STX8: variants seen among roughly 807,000 people sequenced by gnomAD.
The protein encoded by STX8 is syntaxin 8, also known as syntaxin-8.
In STX8, 23 loss-of-function variants were observed where a neutral mutation model predicts 37.5. The ratio of observed to expected loss-of-function variants is 0.61; its 90% CI spans 0.44 to 0.87. The LOEUF is 0.87. STX8 is among the 40% of genes least tolerant of loss of function. The pLI, the probability that STX8 is intolerant of heterozygous loss-of-function variation, is 0.00. For synonymous variants in STX8, 115 were observed against 99.1 expected (o/e 1.16, Z -0.95); for missense variants, 313 against 284.7 (o/e 1.10, Z -0.71).
intron 6 of STX8, among the ~76,000 whole-genome samples, chr17:9,415,314 T>G (rs528917502): frequency 6.6e-6 from 1 of 152,120 alleles, no homozygotes; most frequent in Non-Finnish European, 1.5e-5. Context: ...GATCCTTCAC[T>G]TGATGTTGAC....
chr17:9,547,644 AAAGAAAAG>A (rs1906594821), intron 3 of STX8, among the ~76,000 whole-genome samples: 2 of 149,012 alleles, frequency 1.3e-5, no homozygotes, highest in East Asian at 2.0e-4. Flanking sequence ...AAAAAAGAAA[AAAGAAAAG>A]AAAAGAAAAG....
chr17:9,561,664 C>CAAAAAAA (rs11353116), intron 2 of STX8, among the ~76,000 whole-genome samples: 17 of 66,668 alleles, frequency 2.5e-4, no homozygotes, highest in African/African-American at 3.2e-4. Flanking sequence ...TCCATCTGGC[C>CAAAAAAA]AAAAAAAAAA....
chr17:9,465,672 A>C (rs1040685154), intron 6 of STX8, among the ~76,000 whole-genome samples: 36 of 152,166 alleles, frequency 2.4e-4, no homozygotes, highest in Non-Finnish European at 4.4e-4. Context: ...GAGTATGAAA[A>C]ACTGAACAGC....
At position 9,358,271 on chromosome 17, in the gene STX8, A is replaced by C. The variant is rs142068060; in HGVS notation, c.643+20281T>G. 6.0e-3 allele frequency among the ~76,000 whole-genome samples: 915 copies of C among 152,286 alleles called. 26 individuals carry two copies. The highest frequency in any genetic ancestry group is 0.05 in the Admixed American group (764 of 15,280). ...CTACAGGGGACGAACTCCAGGGCTC[A>C]AGTGATCCTCCTGATAGCTTAGCAC... On this transcript the variant is annotated intron_variant, in intron 7 of 7. Coordinates refer to ENST00000306357, the MANE Select transcript of STX8 (RefSeq NM_004853.3).
chr17:9,331,783 C>T (rs948766446), intron 7 of STX8, among the ~76,000 whole-genome samples: 1 of 152,148 alleles, frequency 6.6e-6, no homozygotes, highest in Non-Finnish European at 1.5e-5. Context: ...TCTCCCTCCC[C>T]CCTCTCTGCC....
At chr17:9,416,548 T>C (rs1913204199) in intron 6 of STX8, among the ~76,000 whole-genome samples, 1 of 152,098 alleles carries the variant, frequency 6.6e-6, no homozygotes, top group African/African-American at 2.4e-5. Context: ...TTTGTATTTT[T>C]AGTAGAGACG....
At chr17:9,389,271 C>T (rs1433178350) in intron 6 of STX8, among the ~76,000 whole-genome samples, 1 of 152,184 alleles carries the variant, frequency 6.6e-6, no homozygotes, top group African/African-American at 2.4e-5. Flanking sequence ...GGGAATTTCC[C>T]TAACCACAGT....
intron 6 of STX8, among the ~76,000 whole-genome samples, chr17:9,471,151 CTTTT>C (rs34907512): frequency 2.9e-4 from 15 of 51,270 alleles, no homozygotes; most frequent in South Asian, 9.7e-4. Context: ...CCGCACCCTG[CTTTT>C]TTTTTTTTTT....
chr17:9,494,405 G>T (rs559472360), intron 5 of STX8, among the ~76,000 whole-genome samples: 1 of 151,618 alleles, frequency 6.6e-6, no homozygotes, highest in South Asian at 2.1e-4. Context: ...GAAGCGGGCA[G>T]ATCACTTAAG....
chr17:9,454,410 G>A (rs1156963850), intron 6 of STX8, among the ~76,000 whole-genome samples: 1 of 152,190 alleles, frequency 6.6e-6, no homozygotes, highest in African/African-American at 2.4e-5. Context: ...CGGGCGCGGT[G>A]GCTCACGCCT....
intron 6 of STX8, among the ~76,000 whole-genome samples, chr17:9,410,375 A>G (rs1237663147): frequency 6.6e-6 from 1 of 152,236 alleles, no homozygotes; most frequent in Non-Finnish European, 1.5e-5. Flanking sequence ...CTTCCTTAAC[A>G]TTCATTATCT....
chr17:9,337,988 C>T (rs772020118), intron 7 of STX8, among the ~76,000 whole-genome samples: 2 of 150,284 alleles, frequency 1.3e-5, no homozygotes, highest in African/African-American at 2.5e-5. Context: ...TGCTAGGCTA[C>T]GGAAACCAGT....
intron 7 of STX8, among the ~76,000 whole-genome samples, chr17:9,293,159 C>T (rs1282859477): frequency 1.3e-5 from 2 of 152,168 alleles, no homozygotes; most frequent in Non-Finnish European, 2.9e-5. Flanking sequence ...ATAGTGAGAG[C>T]ATTTACAAAG....
intron 7 of STX8, among the ~76,000 whole-genome samples, chr17:9,260,038 T>C (rs1208709151): frequency 1.3e-5 from 2 of 151,102 alleles, no homozygotes; most frequent in African/African-American, 2.4e-5. Flanking sequence ...GGCAACATGG[T>C]GGAAACCTGT....
chr17:9,484,834 G>C (rs1444082406), intron 6 of STX8, among the ~76,000 whole-genome samples: 2 of 151,910 alleles, frequency 1.3e-5, no homozygotes, highest in Middle Eastern at 3.2e-3. Flanking sequence ...CTCAAAAAAA[G>C]AGAAAGTGTC....
At chr17:9,252,679 G>A (rs1345899095) in intron 7 of STX8, among the ~76,000 whole-genome samples, 1 of 151,192 alleles carries the variant, frequency 6.6e-6, no homozygotes, top group Non-Finnish European at 1.5e-5. Context: ...ATCTACCTGT[G>A]ACTGTGGTTG....
At chr17:9,344,377 C>T (rs1487723775) in intron 7 of STX8, among the ~76,000 whole-genome samples, 3 of 152,036 alleles carry the variant, frequency 2.0e-5, no homozygotes, top group Non-Finnish European at 2.9e-5. Flanking sequence ...TCGCCTGCCT[C>T]AGCCTCCCGA....
intron 2 of STX8, among the ~76,000 whole-genome samples, chr17:9,564,080 G>A (rs1357555239): frequency 6.6e-6 from 1 of 151,972 alleles, no homozygotes; most frequent in African/African-American, 2.4e-5. Flanking sequence ...AGGTATTCAA[G>A]GAACATACCT....
chr17:9,513,620 C>A (rs1394393388), intron 4 of STX8, among the ~76,000 whole-genome samples: 3 of 152,106 alleles, frequency 2.0e-5, no homozygotes, highest in African/African-American at 7.2e-5. Context: ...TGGGGGTTCC[C>A]CAAAAAACTA....
Sources: gnomAD v4.1 joint callset for allele counts (sites outside exome capture counted in the v4.1 genomes callset) on GRCh38, gnomAD v4.1.1 for gene constraint, MANE v1.5 for transcripts, NCBI Gene and HGNC (gene_info 2026-07-23, HGNC 2026-07-21) for gene names.